The following MPDZ variants were observed in gnomAD, a reference collection of about 807,000 sequenced individuals.
The protein encoded by MPDZ is multiple PDZ domain protein.
A neutral mutation model predicts 239.1 loss-of-function variants in MPDZ; 234 were observed. The ratio of observed to expected loss-of-function variants is 0.98; its 90% CI spans 0.88 to 1.09. The LOEUF is 1.09. MPDZ is among the 50% of genes least tolerant of loss of function. MPDZ has a pLI of 0.00. For missense variants in MPDZ, 3,175 were observed against 2,510.0 expected (o/e 1.26, Z -5.66); for synonymous variants, 1,048 against 881.3 (o/e 1.19, Z -3.35).
At position 13,186,337 on chromosome 9, in the gene MPDZ, T is replaced by C. The variant is rs1954100819; in HGVS notation, c.2414A>G (p.Tyr805Cys). 6.3e-7 allele frequency: 1 copy of C among 1,593,470 alleles called. No individual in the cohort carries two copies. The highest frequency in any genetic ancestry group is 8.6e-7 in the Non-Finnish European group (1 of 1,169,540). The change falls in exon 18 of 47, where the codon TAC becomes TGC. Residue 805 changes from tyrosine to cysteine, a missense_variant. Coordinates refer to ENST00000319217, the MANE Select transcript of MPDZ (RefSeq NM_001378778.1). ...YVSAKEDSFL[Y>C]PPHSCEEAGL... ...TGCTTCCTCACAGGAGTGTGGTGGG[T>C]AGAGAAAGGAATCCTCCTTAGCAGA...
chr9:13,156,667 C>T (rs1332224047), intron 24 of MPDZ, among the ~76,000 whole-genome samples: 1 of 152,144 alleles, frequency 6.6e-6, no homozygotes, highest in Admixed American at 6.6e-5. Flanking sequence ...GGACACAGAG[C>T]CAAACTATAT....
At position 13,149,518 on chromosome 9, in the gene MPDZ, T is replaced by C. The variant is rs1017437696; in HGVS notation, c.3630+993A>G. The stretch of plus-strand genomic sequence containing the variant: ...AATCTAGGTCAGGTACTCCTTTCTC[T>C]ATCCTTCTAAATAAAATTATGCTTA... On this transcript the variant is annotated intron_variant, in intron 25 of 46. Coordinates refer to ENST00000319217, the MANE Select transcript of MPDZ (RefSeq NM_001378778.1). Among the ~76,000 whole-genome samples the C allele has an allele frequency of 6.2e-4, 94 of 152,174 alleles. 1 individual carries two copies. The highest frequency in any genetic ancestry group is 2.1e-3 in the African/African-American group (89 of 41,530).
At chr9:13,240,879 T>C (rs1216896815) in intron 3 of MPDZ, among the ~76,000 whole-genome samples, 3 of 152,150 alleles carry the variant, frequency 2.0e-5, no homozygotes, top group Non-Finnish European at 2.9e-5. Flanking sequence ...ATTTAGGTTA[T>C]AACCAGTAAA....
intron 3 of MPDZ, among the ~76,000 whole-genome samples, chr9:13,244,754 T>C (rs764325120): frequency 2.0e-5 from 3 of 152,146 alleles, no homozygotes; most frequent in Non-Finnish European, 4.4e-5. Flanking sequence ...TTAAACATTA[T>C]TGAATAGAAG....
rs201227200 is a variant in MPDZ at position 13,158,040 on chromosome 9, T to C, written c.3430A>G (p.Ser1144Gly). 1.3e-4 allele frequency: 203 copies of C among 1,612,734 alleles called. No individual in the cohort carries two copies. Among genetic ancestry groups the C allele is most frequent in the Non-Finnish European group, 1.5e-4 (181 of 1,179,146 alleles). The change falls in exon 24 of 47, where the codon AGC becomes GGC. Residue 1144 changes from serine to glycine, a missense_variant. Transcript: ENST00000319217. ...EESELQNTAY[S>G]NWNQPRRVEL... is the part of the protein sequence containing the mutation. ...TACCGCCTGGGCTGATTCCAATTGC[T>C]ATATGCTGTGTTTTGAAGTTCGCTT... is the stretch of plus-strand genomic sequence containing the variant.
chr9:13,149,331 T>C (rs1215968496), intron 25 of MPDZ, among the ~76,000 whole-genome samples: 2 of 152,100 alleles, frequency 1.3e-5, no homozygotes, highest in African/African-American at 2.4e-5. Flanking sequence ...TATGTTATAA[T>C]CTTCTTCTAA....
chr9:13,145,423 G>C lies in MPDZ; in HGVS notation c.3742-1859C>G, dbSNP rs375928563. Among the ~76,000 whole-genome samples the C allele has an allele frequency of 4.2e-4, 64 of 152,028 alleles. 1 individual carries two copies. The highest frequency in any genetic ancestry group is 1.3e-3 in the African/African-American group (55 of 41,504). On this transcript the variant is annotated intron_variant, in intron 26 of 46. Transcript: ENST00000319217. Reference sequence around the variant, plus strand: ...GTTCTGGAAATTTCTGATTCTTGAAGAGCCTAAGGGCCAAAGCAACTCACT... The same window carrying C: ...GTTCTGGAAATTTCTGATTCTTGAACAGCCTAAGGGCCAAAGCAACTCACT...
At position 13,125,337 on chromosome 9, in the gene MPDZ, A is replaced by T; in HGVS notation, c.4686T>A (p.Ala1562=). ...AKMTVKLTIH[A]ENPDSQAVPS... is the part of the protein sequence containing the mutation. ...GAACAGCCTGGGAATCTGGATTCTCAGCATGGATGGTAAGTTTTACTGTCA... is the reference window on the plus strand; with the variant it reads ...GAACAGCCTGGGAATCTGGATTCTCTGCATGGATGGTAAGTTTTACTGTCA... Residue 1562 remains alanine (A), a synonymous_variant, in exon 35 of 47, where the codon GCT becomes GCA. Transcript: ENST00000319217. The T allele has an allele frequency of 6.2e-7, 1 of 1,613,868 alleles. No individual in the cohort carries two copies. The highest frequency in any genetic ancestry group is 8.5e-7 in the Non-Finnish European group (1 of 1,179,754).
At chr9:13,140,354 T>C (rs1180971019) in intron 27 of MPDZ, among the ~76,000 whole-genome samples, 2 of 146,732 alleles carry the variant, frequency 1.4e-5, no homozygotes, top group Admixed American at 6.9e-5. Context: ...ACCTAACAAA[T>C]AATGGAAGGC....
chr9:13,257,429 G>T (rs893735306), intron 1 of MPDZ, among the ~76,000 whole-genome samples: 2 of 152,118 alleles, frequency 1.3e-5, no homozygotes, highest in African/African-American at 4.8e-5. Context: ...TTATTTTAAA[G>T]CCCAAACTCT....
chr9:13,202,052 G>A (rs1003718786), intron 12 of MPDZ, among the ~76,000 whole-genome samples: 4 of 152,074 alleles, frequency 2.6e-5, no homozygotes, highest in African/African-American at 9.7e-5. Context: ...CATTGATGAT[G>A]GTTCATTTGA....
At position 13,126,668 on chromosome 9, in the gene MPDZ, G is replaced by A. The variant is rs758730520; in HGVS notation, c.4557+12C>T. The A allele has an allele frequency of 1.2e-6, 2 of 1,613,148 alleles. No homozygotes were observed. The highest frequency in any genetic ancestry group is 2.2e-5 in the South Asian group (2 of 91,044). ...CCAACTACTTAATGACAGCAAGAAA[G>A]GTAAACCTCACCGTGGCTGCTACCC... On this transcript the variant is annotated intron_variant, in intron 33 of 46. Coordinates refer to ENST00000319217, the MANE Select transcript of MPDZ (RefSeq NM_001378778.1).
chr9:13,123,158 G>C lies in MPDZ; in HGVS notation c.4948C>G (p.Leu1650Val). The change falls in exon 36 of 47, where the codon CTG (leucine) becomes GTG (valine). Residue 1650 changes from leucine to valine, a missense_variant. Coordinates refer to ENST00000319217, the MANE Select transcript of MPDZ (RefSeq NM_001378778.1). ...CACCTCTGGGTGGTGCTCACCAGCA[G>C]CGTGTCTGAACCCCCAACGATGCTC... is the stretch of plus-strand genomic sequence containing the variant. ...GLSIVGGSDT[L>V]LGAIIIHEVY... 6.2e-7 allele frequency: 1 copy of C among 1,611,942 alleles called. No homozygotes were observed. Among genetic ancestry groups the C allele is most frequent in the East Asian group, 2.2e-5 (1 of 44,846 alleles).
intron 24 of MPDZ, among the ~76,000 whole-genome samples, chr9:13,156,847 A>T (rs556878528): frequency 2.6e-5 from 4 of 152,262 alleles, no homozygotes; most frequent in Non-Finnish European, 5.9e-5. Context: ...CAAATAAATA[A>T]GACACTTAAC....
rs562517827 is a variant in MPDZ, at chr9:13,244,994, C to T, written c.183+2641G>A. On this transcript the variant is annotated intron_variant, in intron 3 of 46. Coordinates refer to ENST00000319217, the MANE Select transcript of MPDZ (RefSeq NM_001378778.1). ...TAAAAAAGATGGAGATAGTAAATTG[C>T]AGCTGTCATGCATATAAAATTATAC... Among the ~76,000 whole-genome samples the T allele has an allele frequency of 5.3e-5, 8 of 152,160 alleles. No individual in the cohort carries two copies. The East Asian group carries it at 7.7e-4, about 15-fold the overall frequency.
intron 3 of MPDZ, among the ~76,000 whole-genome samples, chr9:13,229,080 C>T (rs1197158955): frequency 6.6e-6 from 1 of 151,970 alleles, no homozygotes; most frequent in Non-Finnish European, 1.5e-5. Flanking sequence ...GAGTAGCATC[C>T]AAGAAAACAT....
chr9:13,268,607 G>C (rs1268612655), intron 1 of MPDZ, among the ~76,000 whole-genome samples: 1 of 152,148 alleles, frequency 6.6e-6, no homozygotes, highest in African/African-American at 2.4e-5. Flanking sequence ...GCCAACGTGA[G>C]TCAGAAAGAA....
chr9:13,223,120 T>C (rs1959287741), intron 5 of MPDZ, among the ~76,000 whole-genome samples: 1 of 151,982 alleles, frequency 6.6e-6, no homozygotes, highest in South Asian at 2.1e-4. Flanking sequence ...ACTATACCAC[T>C]TTATATAAGG....
At position 13,196,082 on chromosome 9, in the gene MPDZ, G is replaced by C. The variant is rs151142536; in HGVS notation, c.1656+39C>G. ...CCCTCGAACTGCCTGCTCAAATACA[G>C]TTACAAGTTAGAAAATTACAGAAGG... On this transcript the variant is annotated intron_variant, in intron 13 of 46. Coordinates refer to ENST00000319217, the MANE Select transcript of MPDZ (RefSeq NM_001378778.1). 4.2e-4 allele frequency: 578 copies of C among 1,374,742 alleles called. 1 individual carries two copies. In the African/African-American group the frequency reaches 7.2e-3, roughly 17 times the overall value. The allele number at this position is 1,374,742 out of a possible 1,614,324, so 85.2% of individuals were successfully genotyped here.
Sources: gnomAD v4.1 joint callset for allele counts (sites outside exome capture counted in the v4.1 genomes callset) on GRCh38, gnomAD v4.1.1 for gene constraint, MANE v1.5 for transcripts, NCBI Gene and HGNC (gene_info 2026-07-23, HGNC 2026-07-21) for gene names.